Variants in PPM1K observed in about 807,000 individuals in gnomAD.
The protein encoded by PPM1K is protein phosphatase, Mg2+/Mn2+ dependent 1K.
In PPM1K, 19 loss-of-function variants were observed where a neutral mutation model predicts 32.6. The observed-to-expected ratio is 0.58, with a 90% CI of 0.41 to 0.86. The LOEUF is 0.86. Among genes scored for constraint, PPM1K ranks in the 40% least tolerant of loss-of-function variants. PPM1K has a pLI of 0.00. For missense variants in PPM1K, 362 were observed against 461.2 expected (o/e 0.78, Z 1.97); for synonymous variants, 159 against 165.3 (o/e 0.96, Z 0.29).
At chr4:88,272,348 A>C (rs1578318319) in intron 3 of PPM1K, among the ~76,000 whole-genome samples, 2 of 152,188 alleles carry the variant, frequency 1.3e-5, no homozygotes, top group Admixed American at 6.5e-5. Flanking sequence ...CAGGATATGA[A>C]GAACATAAAA....
In PPM1K at chr4:88,262,543, G is replaced by A. The variant is rs1731157210; in HGVS notation, c.*52C>T. On this transcript the variant is annotated 3_prime_UTR_variant, in exon 7 of 7. Transcript: ENST00000608933. ...ACCTTTTTGATCTTATCAGTTTCTTGACATGCTCAGTGAAAAACTGTTGCA... is the reference window on the plus strand; with the variant it reads ...ACCTTTTTGATCTTATCAGTTTCTTAACATGCTCAGTGAAAAACTGTTGCA... The A allele has an allele frequency of 7.5e-6, 12 of 1,598,322 alleles. No individual in the cohort carries two copies. Among genetic ancestry groups the A allele is most frequent in the Non-Finnish European group, 8.5e-6 (10 of 1,172,114 alleles).
chr4:88,278,263 A>C lies in PPM1K; in HGVS notation c.321T>G (p.Asn107Lys). ...GCTGAGCGAAGTCAAACCGATCTTCATTCTCTTTCCGTTTGCCAATCTGTG... is the reference window on the plus strand; with the variant it reads ...GCTGAGCGAAGTCAAACCGATCTTCCTTCTCTTTCCGTTTGCCAATCTGTG... ...CASQIGKRKE[N>K]EDRFDFAQLT... Residue 107 changes from asparagine to lysine, a missense_variant, in exon 2 of 7, where the codon AAT becomes AAG. Transcript: ENST00000608933. This position sits in a 1 kb window ranked among gnomAD's most constrained non-coding sequence, Gnocchi z 4.2. The C allele has an allele frequency of 1.2e-6, 2 of 1,614,186 alleles. No individual in the cohort carries two copies. Among genetic ancestry groups the C allele is most frequent in the Non-Finnish European group, 1.7e-6 (2 of 1,180,028 alleles).
intron 5 of PPM1K, among the ~76,000 whole-genome samples, chr4:88,266,012 G>C (rs1419270671): frequency 3.9e-5 from 6 of 152,134 alleles, no homozygotes; most frequent in Admixed American, 3.9e-4. Context: ...TGAAAAATGG[G>C]GATAGTAGTA....
At chr4:88,266,284 T>C (rs552742037) in intron 5 of PPM1K, among the ~76,000 whole-genome samples, 1 of 152,324 alleles carries the variant, frequency 6.6e-6, no homozygotes, top group East Asian at 1.9e-4. Context: ...ATGAAGACAC[T>C]GATTAGTAGC....
chr4:88,283,692 C>A (rs1336965123), intron 1 of PPM1K: 1 of 152,366 alleles, frequency 6.6e-6, no homozygotes, highest in Non-Finnish European at 1.5e-5. Flanking sequence ...GCGCTCCCTG[C>A]GCAAAGTAAA....
At chr4:88,272,116 T>G (rs903994388) in intron 3 of PPM1K, among the ~76,000 whole-genome samples, 1 of 152,200 alleles carries the variant, frequency 6.6e-6, no homozygotes, top group Non-Finnish European at 1.5e-5. Flanking sequence ...ATACTATGTA[T>G]AAACCAATAC....
chr4:88,275,143 A>G (rs1731714435), intron 3 of PPM1K: 4 of 525,308 alleles, frequency 7.6e-6, no homozygotes, highest in Non-Finnish European at 9.8e-6. Flanking sequence ...ATGATAGAGG[A>G]ATTAAATTAA....
intron 3 of PPM1K, chr4:88,271,051 G>A (rs368898630): frequency 2.7e-5 from 14 of 517,822 alleles, no homozygotes; most frequent in Non-Finnish European, 4.6e-5. Flanking sequence ...AGAGATGTGG[G>A]AACCTTCCCG....
chr4:88,268,923 A>G lies in PPM1K; in HGVS notation c.542-17T>C. ...GAAGAGTTGCTACAAGTATTATGAAAAAAAGAGTACAAGTTAGTGACAGTC... is the reference window on the plus strand; with the variant it reads ...GAAGAGTTGCTACAAGTATTATGAAGAAAAGAGTACAAGTTAGTGACAGTC... On this transcript the variant is annotated splice_polypyrimidine_tract_variant and intron_variant, in intron 3 of 6. Transcript: ENST00000608933. 2 of 1,588,292 alleles carry G rather than the reference A, an allele frequency of 1.3e-6. No homozygotes were observed. Among genetic ancestry groups the G allele is most frequent in the Non-Finnish European group, 1.7e-6 (2 of 1,168,752 alleles).
Position 88,278,325 on chromosome 4 carries a change from T to C in PPM1K, c.259A>G (p.Ile87Val), listed in dbSNP as rs752799890. Residue 87 changes from isoleucine to valine, a missense_variant, in exon 2 of 7, where the codon ATT becomes GTT. Transcript: ENST00000608933. This position sits in a 1 kb window ranked among gnomAD's most constrained non-coding sequence, Gnocchi z 4.2. Reference protein sequence around the residue: ...LPPSIKYGKPIPKISLENVGC... With the variant: ...LPPSIKYGKPVPKISLENVGC... ...ACATTTTCCAAGCTGATTTTGGGAATTGGCTTGCCATACTTAATGCTGGGT... is the reference window on the plus strand; with the variant it reads ...ACATTTTCCAAGCTGATTTTGGGAACTGGCTTGCCATACTTAATGCTGGGT... The C allele has an allele frequency of 9.3e-6, 15 of 1,614,074 alleles. No individual in the cohort carries two copies. The East Asian group carries it at 1.1e-4, about 12-fold the overall frequency.
At chr4:88,265,813 T>C (rs540271894) in intron 5 of PPM1K, among the ~76,000 whole-genome samples, 3 of 152,358 alleles carry the variant, frequency 2.0e-5, no homozygotes, top group South Asian at 4.1e-4. Context: ...CCCTTCAAGA[T>C]ATCTTGATTT....
chr4:88,279,008 T>C (rs1263806962), intron 1 of PPM1K: 1 of 168,186 alleles, frequency 5.9e-6, no homozygotes, highest in African/African-American at 2.4e-5. Context: ...CCAGTGGCTA[T>C]GGGGTGGAGT....
At chr4:88,266,421 G>A (rs376512423) in intron 5 of PPM1K, among the ~76,000 whole-genome samples, 1 of 152,120 alleles carries the variant, frequency 6.6e-6, no homozygotes, top group South Asian at 2.1e-4. Flanking sequence ...TTGATTGGGT[G>A]CAGGTGATGC....
intron 3 of PPM1K, chr4:88,276,473 T>C: frequency 1.0e-6 from 1 of 985,424 alleles, no homozygotes. Flanking sequence ...TTTTGATAAA[T>C]TTAGTCAAAA....
At chr4:88,276,928 C>T (rs1304591672) in intron 3 of PPM1K, 10 of 728,814 alleles carry the variant, frequency 1.4e-5, no homozygotes, top group Non-Finnish European at 1.9e-5. Context: ...GAAAAATTCT[C>T]CAATATATTT....
At chr4:88,268,483 T>C (rs1731425453) in intron 4 of PPM1K, 149 bp from the exon 5 acceptor site, 1 of 922,330 alleles carries the variant, frequency 1.1e-6, no homozygotes, top group South Asian at 1.5e-5. Context: ...TAGCCGAGCG[T>C]GTTGGCAGGC....
chr4:88,276,692 G>A (rs1483830002), intron 3 of PPM1K: 8 of 983,838 alleles, frequency 8.1e-6, no homozygotes, highest in South Asian at 4.7e-5. Flanking sequence ...GGACCTATTT[G>A]CAATTTTTTT....
chr4:88,265,248 T>C, intron 5 of PPM1K, 113 bp from the exon 6 acceptor site: 2 of 1,202,894 alleles, frequency 1.7e-6, no homozygotes, highest in Admixed American at 1.9e-5. Flanking sequence ...TAACAGCTTG[T>C]AAGCTGATAT....
chr4:88,275,051 T>C (rs1731710872), intron 3 of PPM1K: 2 of 822,450 alleles, frequency 2.4e-6, no homozygotes, highest in Non-Finnish European at 2.9e-6. Flanking sequence ...TGCTCCATTA[T>C]ACTTTCAAAC....
Sources: gnomAD v4.1 joint callset for allele counts (sites outside exome capture counted in the v4.1 genomes callset) on GRCh38, gnomAD v4.1.1 for gene constraint, Gnocchi (gnomAD v3.1) non-coding constraint, MANE v1.5 for transcripts, NCBI Gene and HGNC (gene_info 2026-07-23, HGNC 2026-07-21) for gene names.